Variants in NF1 observed in about 807,000 individuals in gnomAD.
NF1 encodes neurofibromin 1.
Under a neutral mutation model 325.7 loss-of-function variants are expected in NF1, and 122 were observed. The ratio of observed to expected loss-of-function variants is 0.37; its 90% CI spans 0.32 to 0.44. NF1 has a LOEUF of 0.44. NF1 is among the 20% of genes least tolerant of loss of function. NF1 has a pLI of 1.00. For synonymous variants in NF1, 1,091 were observed against 1,186.0 expected (o/e 0.92, Z 1.65); for missense variants, 2,140 against 3,415.4 (o/e 0.63, Z 9.31).
intron 12 of NF1, 101 bp downstream of exon 12, chr17:31,206,472 A>G: frequency 5.2e-6 from 7 of 1,351,654 alleles, no homozygotes; most frequent in Non-Finnish European, 7.4e-6. Context: ...AGAGAATTGA[A>G]TGGGTCCTTC....
intron 36 of NF1, among the ~76,000 whole-genome samples, chr17:31,281,582 G>T (rs946400093): frequency 1.3e-5 from 2 of 152,076 alleles, no homozygotes; most frequent in African/African-American, 2.4e-5. Context: ...CCTTTGCCAT[G>T]CCCTGACATC....
At chr17:31,173,271 G>C (rs376365455) in intron 5 of NF1, among the ~76,000 whole-genome samples, 3 of 152,116 alleles carry the variant, frequency 2.0e-5, no homozygotes, top group Admixed American at 2.0e-4. Flanking sequence ...TTAGCCAGTC[G>C]TAGTGGTGGG....
chr17:31,201,263 A>T, intron 10 of NF1, 104 bp downstream of exon 10: 1 of 1,519,914 alleles, frequency 6.6e-7, no homozygotes, highest in Non-Finnish European at 9.1e-7. Context: ...GGTATTTCTC[A>T]CTATTATGTA....
At chr17:31,213,384 T>C (rs2066763125) in intron 12 of NF1, among the ~76,000 whole-genome samples, 1 of 152,204 alleles carries the variant, frequency 6.6e-6, no homozygotes. Context: ...TGTTCTTGGG[T>C]ATAATAACAA....
At chr17:31,364,798 T>C (rs1019053412) in intron 57 of NF1, among the ~76,000 whole-genome samples, 4 of 152,224 alleles carry the variant, frequency 2.6e-5, no homozygotes, top group African/African-American at 7.2e-5. Context: ...ATTCAGTGCA[T>C]ATAGAATTGC....
chr17:31,318,877 A>C, intron 36 of NF1: 1 of 1,614,090 alleles, frequency 6.2e-7, no homozygotes, highest in Non-Finnish European at 8.5e-7. Flanking sequence ...GTTTTGAATA[A>C]CTGAATCCCA....
intron 48 of NF1, among the ~76,000 whole-genome samples, chr17:31,345,065 G>A (rs1462875340): frequency 6.6e-6 from 1 of 152,216 alleles, no homozygotes; most frequent in Admixed American, 6.5e-5. Context: ...AGAGGTTGCA[G>A]TGAGCCAAGA....
chr17:31,170,427 G>A (rs1006768544), intron 5 of NF1, among the ~76,000 whole-genome samples: 1 of 152,176 alleles, frequency 6.6e-6, no homozygotes, highest in Admixed American at 6.5e-5. Flanking sequence ...TATGGTGAGA[G>A]GATGAATTGA....
chr17:31,229,741 C>T (rs2151430187), intron 21 of NF1, 94 bp from the exon 22 acceptor site: 1 of 1,496,734 alleles, frequency 6.7e-7, no homozygotes, highest in Non-Finnish European at 9.3e-7. Flanking sequence ...GGTGCACTTA[C>T]TCTGTGTGTT....
In NF1 at chr17:31,223,486, T is replaced by C. The variant is rs1229784876; in HGVS notation, c.1764T>C (p.His588=). Residue 588 remains histidine (H), a synonymous_variant, in exon 16 of 58, where the codon CAT becomes CAC. Transcript: ENST00000358273. ...ACATCTGCAAGAAATTAACTAGTCA[T>C]CAAATGCTTAGTAGCACAGAAATTC... ...LFYICKKLTS[H]QMLSSTEILK... The C allele has an allele frequency of 2.5e-6, 4 of 1,613,150 alleles. No individual in the cohort carries two copies. Among genetic ancestry groups the C allele is most frequent in the Non-Finnish European group, 3.4e-6 (4 of 1,179,330 alleles).
At chr17:31,342,618 C>T (rs552967237) in intron 47 of NF1, among the ~76,000 whole-genome samples, 1 of 152,212 alleles carries the variant, frequency 6.6e-6, no homozygotes, top group South Asian at 2.1e-4. Flanking sequence ...TGGAGCATTG[C>T]AAATGGGGCA....
intron 36 of NF1, among the ~76,000 whole-genome samples, chr17:31,287,542 C>CTGTGTGTGTGTGTGTGTG (rs59906241): frequency 4.8e-5 from 7 of 145,490 alleles, no homozygotes; most frequent in African/African-American, 1.6e-4. Flanking sequence ...TCATTCATAA[C>CTGTGTGTGTGTGTGTGTG]TGTGTGTGTG....
chr17:31,261,208 A>C (rs936157674), intron 34 of NF1, among the ~76,000 whole-genome samples: 1 of 151,552 alleles, frequency 6.6e-6, no homozygotes, highest in Non-Finnish European at 1.5e-5. Flanking sequence ...GCACAATTGT[A>C]CTCCAGCCTG....
intron 1 of NF1, among the ~76,000 whole-genome samples, chr17:31,096,125 G>A (rs1009113353): frequency 2.0e-5 from 3 of 148,934 alleles, no homozygotes; most frequent in Non-Finnish European, 4.4e-5. Flanking sequence ...GATAATTGCA[G>A]TCTCTTCCCC....
intron 11 of NF1, among the ~76,000 whole-genome samples, chr17:31,205,902 TAA>T (rs879834365): frequency 2.1e-5 from 3 of 141,890 alleles, no homozygotes; most frequent in African/African-American, 2.6e-5. Flanking sequence ...ACATTAAACT[TAA>T]AAAAAAAAAA....
chr17:31,246,268 CCTTA>C (rs1257251235), intron 29 of NF1, among the ~76,000 whole-genome samples: 3 of 152,048 alleles, frequency 2.0e-5, no homozygotes, highest in Non-Finnish European at 4.4e-5. Context: ...TCTGAAATAC[CCTTA>C]CTTCTTTTGT....
intron 36 of NF1, among the ~76,000 whole-genome samples, chr17:31,310,940 C>CTTTT (rs77429998): frequency 1.5e-5 from 2 of 130,894 alleles, no homozygotes; most frequent in African/African-American, 5.6e-5. Context: ...AAGACATGTT[C>CTTTT]TTTTTTTTTT....
chr17:31,274,333 A>G lies in NF1; in HGVS notation c.4835+8994A>G, dbSNP rs563759776. ...TAGGGAAATTGGGTTGTATTCTGCT[A>G]ATGTTTTCATCATATTGGCCAGCAC... On this transcript the variant is annotated intron_variant, in intron 36 of 57. Coordinates refer to ENST00000358273, the MANE Select transcript of NF1 (RefSeq NM_001042492.3). 2.0e-5 allele frequency among the ~76,000 whole-genome samples: 3 copies of G among 152,294 alleles called. No homozygotes were observed. The East Asian group carries it at 5.8e-4, about 29-fold the overall frequency.
At position 31,307,542 on chromosome 17, in the gene NF1, T is replaced by C. The variant is rs9912435; in HGVS notation, c.4836-18278T>C. Among the ~76,000 whole-genome samples the C allele has an allele frequency of 7.6e-3, 1,160 of 152,318 alleles. 18 individuals carry two copies. Among genetic ancestry groups the C allele is most frequent in the African/African-American group, 0.027 (1,117 of 41,570 alleles). The stretch of plus-strand genomic sequence containing the variant: ...AGGGCTTTTTCTGGGATGTGGTAGA[T>C]GCTAAAACTTGGAGAGTTAAGTTTC... On this transcript the variant is annotated intron_variant, in intron 36 of 57. Coordinates refer to ENST00000358273, the MANE Select transcript of NF1 (RefSeq NM_001042492.3).
Sources: allele counts gnomAD v4.1 joint callset (sites outside exome capture counted in the v4.1 genomes callset), GRCh38; gene constraint gnomAD v4.1.1; transcripts MANE v1.5; gene names NCBI Gene and HGNC (gene_info 2026-07-23, HGNC 2026-07-21).